ELMOD2: variants seen among roughly 807,000 people sequenced by gnomAD.
ELMOD2 encodes the protein ELMO domain containing 2, also known as ELMO domain-containing protein 2.
ELMOD2 carries 28 observed loss-of-function variants against 41.0 expected under a neutral mutation model. That is an observed-to-expected ratio of 0.68 (90% CI 0.51 to 0.94). The LOEUF (loss-of-function observed/expected upper bound fraction) is 0.94, where lower values mean the gene tolerates loss of function less well. Ranked by LOEUF, ELMOD2 falls within the 40% of genes least tolerant of loss-of-function variation. The pLI, the probability that ELMOD2 is intolerant of heterozygous loss-of-function variation, is 0.00. For synonymous variants in ELMOD2, 106 were observed against 107.2 expected, an observed-to-expected ratio of 0.99 and a Z score of 0.07; for missense variants, 333 against 343.1, an observed-to-expected ratio of 0.97 and a Z score of 0.23.
At chr4:140,545,609 A>C (rs1735249165) in intron 8 of ELMOD2, among the ~76,000 whole-genome samples, 1 of 152,190 alleles carries the variant, frequency 6.6e-6, no homozygotes, top group Non-Finnish European at 1.5e-5. Context: ...GTTCCTAAGG[A>C]CAGCATTGAT....
rs1735491585 is a variant in ELMOD2 at position 140,552,404 on chromosome 4, G to A, written c.*2029G>A. On this transcript the variant is annotated 3_prime_UTR_variant, in exon 9 of 9. Transcript: ENST00000323570. ...ACATTATAGGTATCATTCTGTTTTT[G>A]CTTAAAATAATCTGCAACCATTTCA... is the stretch of plus-strand genomic sequence containing the variant. The A allele has an allele frequency of 6.6e-6, 1 of 151,792 alleles. No homozygotes were observed. Among genetic ancestry groups the A allele is most frequent in the African/African-American group, 2.4e-5 (1 of 41,376 alleles). The allele number at this position is 151,792 out of a possible 1,614,324, so 9.4% of individuals were successfully genotyped here. A position where few individuals can be genotyped will look rare whatever the true frequency, so the allele number is the denominator to read the frequency against.
intron 8 of ELMOD2, among the ~76,000 whole-genome samples, chr4:140,545,230 T>C (rs1260679602): frequency 3.3e-5 from 5 of 152,142 alleles, no homozygotes; most frequent in Non-Finnish European, 1.5e-5. Flanking sequence ...ACGTTTCTTT[T>C]CGAAACATTA....
At position 140,543,559 on chromosome 4, in the gene ELMOD2, A is replaced by G; in HGVS notation, c.709A>G (p.Thr237Ala). 2.5e-6 allele frequency: 4 copies of G among 1,598,382 alleles called. No homozygotes were observed. The highest frequency in any genetic ancestry group is 2.6e-6 in the Non-Finnish European group (3 of 1,175,812). The stretch of plus-strand genomic sequence containing the variant: ...CTATAACCTTGTTCCTGGTATACCA[A>G]CAATGGAACACTTTCATCAGTTTTA... ...HLYNLVPGIP[T>A]MEHFHQFYCY... Residue 237 changes from threonine to alanine, a missense_variant, in exon 8 of 9, where the codon ACA (threonine) becomes GCA (alanine). By Grantham distance (58) the Thr-to-Ala change is moderately conservative. Coordinates refer to ENST00000323570, the MANE Select transcript of ELMOD2 (RefSeq NM_153702.4).
In ELMOD2 at chr4:140,550,319, G is replaced by A. The variant is rs1243413639; in HGVS notation, c.826G>A (p.Glu276Lys). The A allele has an allele frequency of 6.2e-7, 1 of 1,611,344 alleles. No homozygotes were observed. Among genetic ancestry groups the A allele is most frequent in the East Asian group, 2.2e-5 (1 of 44,672 alleles). The part of the protein sequence containing the change: ...YFNLYREKFH[E>K]KIKGLLLDCN... ...CAATTTGTATAGAGAGAAGTTTCATGAAAAGATTAAAGGACTTTTACTGGA... is the reference window on the plus strand; with the variant it reads ...CAATTTGTATAGAGAGAAGTTTCATAAAAAGATTAAAGGACTTTTACTGGA... The change falls in exon 9 of 9, where the codon GAA becomes AAA. Residue 276 changes from glutamate (E) to lysine (K), a missense_variant. Coordinates refer to ENST00000323570, the MANE Select transcript of ELMOD2 (RefSeq NM_153702.4).
intron 8 of ELMOD2, among the ~76,000 whole-genome samples, chr4:140,550,013 G>C (rs568119609): frequency 1.3e-5 from 2 of 151,974 alleles, no homozygotes; most frequent in Admixed American, 1.3e-4. Flanking sequence ...TTAAACTTGA[G>C]GGACGTTGTT....
At chr4:140,530,022 GTGAA>G (rs1332045339) in intron 3 of ELMOD2, among the ~76,000 whole-genome samples, 10 of 152,130 alleles carry the variant, frequency 6.6e-5, no homozygotes, top group Admixed American at 6.5e-5. Flanking sequence ...TATTTATTGA[GTGAA>G]TGAATGAATA....
chr4:140,525,595 T>A (rs747121416), intron 2 of ELMOD2, 25 bp downstream of exon 2: 1 of 1,584,778 alleles, frequency 6.3e-7, no homozygotes, highest in Non-Finnish European at 8.5e-7. Flanking sequence ...AAAGAAAAAG[T>A]ACTAATAAAA....
chr4:140,526,566 AC>A, intron 2 of ELMOD2: 1 of 152,264 alleles, frequency 6.6e-6, no homozygotes, highest in Non-Finnish European at 1.5e-5. Context: ...TGAGAAATCA[AC>A]CCCTGTCAGG....
chr4:140,542,196 A>G (rs1203256196), intron 6 of ELMOD2, among the ~76,000 whole-genome samples: 1 of 151,990 alleles, frequency 6.6e-6, no homozygotes, highest in Non-Finnish European at 1.5e-5. Context: ...AAATTGTAGT[A>G]GAAGGAATGA....
chr4:140,547,125 G>A (rs534986627), intron 8 of ELMOD2, among the ~76,000 whole-genome samples: 131 of 152,240 alleles, frequency 8.6e-4, no homozygotes, highest in African/African-American at 3.1e-3. Context: ...GTCTTTGAAT[G>A]TGCATACTTT....
At chr4:140,528,974 T>A (rs573645843) in intron 3 of ELMOD2, among the ~76,000 whole-genome samples, 1 of 152,344 alleles carries the variant, frequency 6.6e-6, no homozygotes, top group South Asian at 2.1e-4. Flanking sequence ...AGGATGCAGT[T>A]TCCCAAAGTA....
In ELMOD2 at chr4:140,552,540, G is replaced by A. The variant is rs1005569086; in HGVS notation, c.*2165G>A. On this transcript the variant is annotated 3_prime_UTR_variant, in exon 9 of 9. Transcript: ENST00000323570. ...AGTTGTAAATTAGAATGCAACATGA[G>A]GCTTCAGACTCATGACAATGATATA... 6.6e-6 allele frequency: 1 copy of A among 151,962 alleles called. No individual in the cohort carries two copies. Among genetic ancestry groups the A allele is most frequent in the African/African-American group, 2.4e-5 (1 of 41,408 alleles). The allele number at this position is 151,962 out of a possible 1,614,324, so 9.4% of individuals were successfully genotyped here.
chr4:140,546,061 C>A (rs1030941326), intron 8 of ELMOD2, among the ~76,000 whole-genome samples: 1 of 152,096 alleles, frequency 6.6e-6, no homozygotes, highest in Admixed American at 6.6e-5. Context: ...GCACTACTCA[C>A]AATAGCAAAG....
Position 140,542,600 on chromosome 4 carries a change from A to G in ELMOD2, c.560A>G (p.Glu187Gly). The G allele has an allele frequency of 6.2e-7, 1 of 1,606,822 alleles. No homozygotes were observed. The highest frequency in any genetic ancestry group is 1.3e-5 in the African/African-American group (1 of 74,854). Residue 187 changes from glutamate (E) to glycine (G), a missense_variant, in exon 7 of 9, where the codon GAA becomes GGA. Transcript: ENST00000323570. ...LVYFSENYTS[E>G]AHQILSRSNH... ...TATTTCAGTGAAAATTACACTAGTG[A>G]AGCTCATCAGATTCTTTCCCGTTCA...
At chr4:140,526,377 C>T (rs1010520237) in intron 2 of ELMOD2, among the ~76,000 whole-genome samples, 3 of 152,152 alleles carry the variant, frequency 2.0e-5, no homozygotes, top group Non-Finnish European at 4.4e-5. Context: ...TTCAGTGCTT[C>T]ATTGAAAATT....
At position 140,551,228 on chromosome 4, in the gene ELMOD2, A is replaced by G. The variant is rs1735464752; in HGVS notation, c.*853A>G. The G allele has an allele frequency of 6.6e-6, 1 of 152,122 alleles. No homozygotes were observed. The highest frequency in any genetic ancestry group is 1.5e-5 in the Non-Finnish European group (1 of 67,980). 9.4% of individuals were successfully genotyped at this position (152,122 alleles called of 1,614,324 possible). ...TATTTGCCAAGAAAATCTTGATTATATAAAAGACAAAAAGATTATAAAAGA... is the reference window on the plus strand; with the variant it reads ...TATTTGCCAAGAAAATCTTGATTATGTAAAAGACAAAAAGATTATAAAAGA... On this transcript the variant is annotated 3_prime_UTR_variant, in exon 9 of 9. Coordinates refer to ENST00000323570, the MANE Select transcript of ELMOD2 (RefSeq NM_153702.4).
At chr4:140,540,743 T>TAA (rs11297411) in intron 6 of ELMOD2, among the ~76,000 whole-genome samples, 2 of 142,598 alleles carry the variant, frequency 1.4e-5, no homozygotes, top group East Asian at 2.0e-4. Flanking sequence ...ACCCTGTCTT[T>TAA]AAAAAAAAAA....
At chr4:140,549,786 A>G (rs763761908) in intron 8 of ELMOD2, among the ~76,000 whole-genome samples, 12 of 139,672 alleles carry the variant, frequency 8.6e-5, no homozygotes, top group Non-Finnish European at 1.5e-4. Flanking sequence ...CCTGGGCTCA[A>G]GTGATACCTT....
At chr4:140,528,900 G>A (rs960416493) in intron 3 of ELMOD2, among the ~76,000 whole-genome samples, 2 of 152,144 alleles carry the variant, frequency 1.3e-5, no homozygotes, top group African/African-American at 2.4e-5. Flanking sequence ...AAAGCTAACA[G>A]GTTGCTGGTT....
Sources: allele counts gnomAD v4.1 joint callset (sites outside exome capture counted in the v4.1 genomes callset), GRCh38; gene constraint gnomAD v4.1.1; transcripts MANE v1.5; gene names NCBI Gene and HGNC (gene_info 2026-07-23, HGNC 2026-07-21).